The following PRELID2 variants were observed in gnomAD, a reference collection of about 807,000 sequenced individuals.
PRELID2 encodes the protein PRELI domain containing 2.
PRELID2 carries 25 observed loss-of-function variants against 28.4 expected under a neutral mutation model. That is an observed-to-expected ratio of 0.88 (90% CI 0.64 to 1.23). The LOEUF (loss-of-function observed/expected upper bound fraction) is 1.23, where lower values mean the gene tolerates loss of function less well. Among genes scored for constraint, PRELID2 ranks in the 50% most tolerant of loss-of-function variants. The pLI, the probability that PRELID2 is intolerant of heterozygous loss-of-function variation, is 0.00. For synonymous variants in PRELID2, 76 were observed against 71.6 expected (o/e 1.06, Z -0.31); for missense variants, 201 against 214.4 (o/e 0.94, Z 0.39).
At chr5:145,298,047 A>C in the PRELID2 span, among the ~76,000 whole-genome samples, 1 of 152,160 alleles carries the variant, frequency 6.6e-6, no homozygotes, top group Non-Finnish European at 1.5e-5. Flanking sequence ...ATACTGCCCA[A>C]GGTAATTTAT....
chr5:145,539,987 C>A (rs1186978618), intron 1 of PRELID2, among the ~76,000 whole-genome samples: 4 of 151,296 alleles, frequency 2.6e-5, no homozygotes, highest in East Asian at 3.9e-4. Flanking sequence ...TTTTTATTTT[C>A]AATTATACAA....
intron 1 of PRELID2, among the ~76,000 whole-genome samples, chr5:145,657,385 G>C (rs72811543): frequency 1.5e-3 from 221 of 152,202 alleles, no homozygotes; most frequent in Non-Finnish European, 2.6e-3. Flanking sequence ...CCTCATCAAG[G>C]ATACATTAGC....
chr5:145,751,249 G>A (rs777079481), intron 1 of PRELID2, among the ~76,000 whole-genome samples: 4 of 152,190 alleles, frequency 2.6e-5, no homozygotes, highest in Non-Finnish European at 4.4e-5. Flanking sequence ...TGATGCTGCT[G>A]ATGGCAAGGC....
the PRELID2 span, among the ~76,000 whole-genome samples, chr5:145,269,736 T>TA: frequency 6.7e-6 from 1 of 149,990 alleles, no homozygotes; most frequent in Admixed American, 6.7e-5. Flanking sequence ...TGTATATATA[T>TA]AATTAATTTA....
intron 1 of PRELID2, among the ~76,000 whole-genome samples, chr5:145,651,425 G>A (rs969786718): frequency 5.9e-5 from 9 of 152,150 alleles, no homozygotes; most frequent in African/African-American, 1.9e-4. Context: ...CTCCCAGCAC[G>A]GAGTCTGAGA....
intron 5 of PRELID2, among the ~76,000 whole-genome samples, chr5:145,767,468 G>A (rs1449957981): frequency 6.6e-6 from 1 of 152,150 alleles, no homozygotes; most frequent in Non-Finnish European, 1.5e-5. Flanking sequence ...GCAAGAGGCT[G>A]TCACACTGAC....
At chr5:145,555,833 C>T (rs1752875648) in intron 1 of PRELID2, among the ~76,000 whole-genome samples, 1 of 152,114 alleles carries the variant, frequency 6.6e-6, no homozygotes, top group African/African-American at 2.4e-5. Flanking sequence ...TGATAACTTT[C>T]TAGTTTCCCC....
chr5:145,295,452 G>C, the PRELID2 span, among the ~76,000 whole-genome samples: 1 of 152,058 alleles, frequency 6.6e-6, no homozygotes, highest in African/African-American at 2.4e-5. Flanking sequence ...GAAAGTGGTG[G>C]TTGAAGTAAA....
chr5:145,415,066 C>A, the PRELID2 span, among the ~76,000 whole-genome samples: 4 of 152,090 alleles, frequency 2.6e-5, no homozygotes, highest in Admixed American at 2.6e-4. Flanking sequence ...ACAGCACTTC[C>A]TCTAAAATTG....
At chr5:145,442,260 A>T in the PRELID2 span, among the ~76,000 whole-genome samples, 1 of 152,100 alleles carries the variant, frequency 6.6e-6, no homozygotes, top group African/African-American at 2.4e-5. Context: ...TGCAATTGAA[A>T]TGTGAGTTGT....
intron 1 of PRELID2, among the ~76,000 whole-genome samples, chr5:145,614,202 T>C (rs992529779): frequency 1.3e-5 from 2 of 152,252 alleles, no homozygotes; most frequent in African/African-American, 4.8e-5. Flanking sequence ...ACCAGTACCA[T>C]GCTGTTTTGG....
chr5:145,231,828 G>T, the PRELID2 span, among the ~76,000 whole-genome samples: 1 of 152,074 alleles, frequency 6.6e-6, no homozygotes, highest in Non-Finnish European at 1.5e-5. Context: ...TATGAGTCAG[G>T]ATATTTAAGT....
At chr5:145,680,723 T>C (rs1754915886) in intron 1 of PRELID2, among the ~76,000 whole-genome samples, 1 of 152,226 alleles carries the variant, frequency 6.6e-6, no homozygotes, top group African/African-American at 2.4e-5. Context: ...GAGATTCTTA[T>C]AATAAATTCC....
chr5:145,369,081 C>T, the PRELID2 span, among the ~76,000 whole-genome samples: 5 of 151,690 alleles, frequency 3.3e-5, no homozygotes, highest in Admixed American at 6.6e-5. Flanking sequence ...GGTTTCTGTT[C>T]CTGTGTTAAT....
chr5:145,497,278 C>A (rs774801868), intron 1 of PRELID2, among the ~76,000 whole-genome samples: 6 of 152,292 alleles, frequency 3.9e-5, no homozygotes, highest in Non-Finnish European at 8.8e-5. Flanking sequence ...GGGTCATGAT[C>A]TTTTCAAAAT....
chr5:145,337,755 AC>A, the PRELID2 span, among the ~76,000 whole-genome samples: 1 of 142,816 alleles, frequency 7.0e-6, no homozygotes, highest in Non-Finnish European at 1.5e-5. Flanking sequence ...ACACACACAC[AC>A]ACACACATAC....
chr5:145,676,078 G>C (rs1754808086), intron 1 of PRELID2, among the ~76,000 whole-genome samples: 1 of 151,648 alleles, frequency 6.6e-6, no homozygotes, highest in African/African-American at 2.4e-5. Flanking sequence ...AAATTAGCCG[G>C]GCGTGGTGGC....
At chr5:145,617,017 G>A (rs2149649123) in intron 1 of PRELID2, among the ~76,000 whole-genome samples, 1 of 152,256 alleles carries the variant, frequency 6.6e-6, no homozygotes, top group African/African-American at 2.4e-5. Flanking sequence ...GAATTCAGTG[G>A]TATTTCTCCC....
chr5:145,690,813 C>T (rs58220113), intron 1 of PRELID2, among the ~76,000 whole-genome samples: 9,403 of 152,246 alleles, frequency 0.062, 941 homozygotes, highest in African/African-American at 0.21. Flanking sequence ...GATAACCTTT[C>T]CTTGCCCTGC....
Sources: allele counts gnomAD v4.1 joint callset (sites outside exome capture counted in the v4.1 genomes callset), GRCh38; gene constraint gnomAD v4.1.1; transcripts MANE v1.5; gene names NCBI Gene and HGNC (gene_info 2026-07-23, HGNC 2026-07-21).